The following MTPN variants were observed in gnomAD, a reference collection of about 807,000 sequenced individuals.
MTPN encodes the protein myotrophin.
Under a neutral mutation model 13.5 loss-of-function variants are expected in MTPN, and 2 were observed. The ratio of observed to expected loss-of-function variants is 0.15; its 90% confidence interval spans 0.06 to 0.47. The LOEUF (loss-of-function observed/expected upper bound fraction) is 0.47. Ranked by LOEUF, MTPN falls within the 20% of genes least tolerant of loss-of-function variation. MTPN has a pLI of 0.97. For synonymous variants in MTPN, 46 were observed against 51.7 expected (o/e 0.89, Z 0.48); for missense variants, 79 against 137.9 (o/e 0.57, Z 2.14).
At chr7:135,956,327 AT>A (rs1004238933) in intron 1 of MTPN, among the ~76,000 whole-genome samples, 47 of 152,356 alleles carry the variant, frequency 3.1e-4, no homozygotes, top group African/African-American at 1.1e-3. Flanking sequence ...TTCTAACTTC[AT>A]AAAACATTAC....
At chr7:135,974,745 T>C (rs1799746827) in intron 1 of MTPN, among the ~76,000 whole-genome samples, 5 of 152,134 alleles carry the variant, frequency 3.3e-5, no homozygotes, top group Admixed American at 2.6e-4. Context: ...TAGATGCACA[T>C]TACAGAAACT....
intron 1 of MTPN, among the ~76,000 whole-genome samples, chr7:135,954,550 T>A (rs1026698886): frequency 4.6e-5 from 7 of 152,188 alleles, no homozygotes; most frequent in African/African-American, 1.7e-4. Flanking sequence ...TAGACAGGAT[T>A]AACTGGACGA....
At chr7:135,975,626 C>T (rs1331307626) in intron 1 of MTPN, among the ~76,000 whole-genome samples, 2 of 152,168 alleles carry the variant, frequency 1.3e-5, no homozygotes, top group Non-Finnish European at 2.9e-5. Flanking sequence ...CTAGGTTCCA[C>T]CATGACAGGA....
chr7:135,952,446 C>A (rs1423796450), intron 1 of MTPN, among the ~76,000 whole-genome samples: 1 of 152,142 alleles, frequency 6.6e-6, no homozygotes, highest in African/African-American at 2.4e-5. Context: ...GTGATACACC[C>A]ATTATTTCTA....
intron 1 of MTPN, among the ~76,000 whole-genome samples, chr7:135,969,033 T>C (rs1258935066): frequency 2.1e-5 from 3 of 143,570 alleles, no homozygotes; most frequent in Non-Finnish European, 4.5e-5. Context: ...ATATGTGGTG[T>C]TTGGTTTTTT....
chr7:135,958,205 GTTAT>G (rs1360008747), intron 1 of MTPN, among the ~76,000 whole-genome samples: 1 of 152,074 alleles, frequency 6.6e-6, no homozygotes, highest in Admixed American at 6.5e-5. Flanking sequence ...GATCAGGTAT[GTTAT>G]TTATATACTT....
In MTPN at chr7:135,927,393, A is replaced by ATC; in HGVS notation, c.*2532_*2533insGA. Reference sequence around the variant, plus strand: ...GGAGACTTTGTTAGTACACTACTATAAACAGGTAAACTACCTGTTTGTACT... The same window carrying ATC: ...GGAGACTTTGTTAGTACACTACTATATCAACAGGTAAACTACCTGTTTGTACT... On this transcript the variant is annotated 3_prime_UTR_variant, in exon 4 of 4. Transcript: ENST00000393085. The ATC allele has an allele frequency of 6.5e-7, 1 of 1,549,816 alleles. No homozygotes were observed. The highest frequency in any genetic ancestry group is 2.4e-5 in the East Asian group (1 of 40,882).
chr7:135,956,082 G>A (rs887851584), intron 1 of MTPN, among the ~76,000 whole-genome samples: 1 of 152,142 alleles, frequency 6.6e-6, no homozygotes. Flanking sequence ...CATCCATTTC[G>A]AAAAGGAAGA....
At chr7:135,950,128 A>G (rs1306632714) in intron 3 of MTPN, among the ~76,000 whole-genome samples, 3 of 152,200 alleles carry the variant, frequency 2.0e-5, no homozygotes, top group Non-Finnish European at 4.4e-5. Flanking sequence ...CACTATCTCA[A>G]GCATATCAAG....
chr7:135,947,396 T>C (rs1483381331), intron 3 of MTPN, among the ~76,000 whole-genome samples: 1 of 152,154 alleles, frequency 6.6e-6, no homozygotes, highest in Non-Finnish European at 1.5e-5. Context: ...TATCATTTCT[T>C]GTTTGATGGA....
intron 3 of MTPN, among the ~76,000 whole-genome samples, chr7:135,949,243 C>A (rs1799328123): frequency 3.9e-5 from 6 of 152,124 alleles, no homozygotes; most frequent in Admixed American, 3.9e-4. Flanking sequence ...AACAGCAAAT[C>A]TGTTTTTGAT....
chr7:135,974,252 G>A (rs1210975228), intron 1 of MTPN, among the ~76,000 whole-genome samples: 3 of 152,030 alleles, frequency 2.0e-5, no homozygotes, highest in South Asian at 4.1e-4. Context: ...AAGGAAAAAC[G>A]GGTTCACACC....
intron 3 of MTPN, among the ~76,000 whole-genome samples, chr7:135,935,327 C>A (rs1415525065): frequency 6.6e-6 from 1 of 152,072 alleles, no homozygotes; most frequent in Non-Finnish European, 1.5e-5. Flanking sequence ...CAACCTCCGC[C>A]TCTTGGGTTC....
chr7:135,941,676 T>C (rs1255975065), intron 3 of MTPN, among the ~76,000 whole-genome samples: 1 of 152,148 alleles, frequency 6.6e-6, no homozygotes, highest in East Asian at 1.9e-4. Flanking sequence ...CAGTTGCATA[T>C]ATAATGGTCT....
At chr7:135,948,494 C>T (rs1289465694) in intron 3 of MTPN, among the ~76,000 whole-genome samples, 1 of 152,104 alleles carries the variant, frequency 6.6e-6, no homozygotes, top group Admixed American at 6.5e-5. Flanking sequence ...TAAGACAACT[C>T]ACAATCAATA....
chr7:135,943,527 A>T (rs938726451), intron 3 of MTPN, among the ~76,000 whole-genome samples: 1 of 152,234 alleles, frequency 6.6e-6, no homozygotes, highest in Non-Finnish European at 1.5e-5. Flanking sequence ...CTATTTCCTC[A>T]GCAGACTGAA....
chr7:135,974,200 T>C (rs914366397), intron 1 of MTPN, among the ~76,000 whole-genome samples: 2 of 152,240 alleles, frequency 1.3e-5, no homozygotes, highest in Admixed American at 6.5e-5. Flanking sequence ...CAGAGGCAGG[T>C]AGAAAAGTGT....
intron 3 of MTPN, among the ~76,000 whole-genome samples, chr7:135,937,370 TACACACAC>T (rs35704525): frequency 3.5e-5 from 5 of 144,406 alleles, no homozygotes; most frequent in South Asian, 4.5e-4. Context: ...GCTAACTGGA[TACACACAC>T]ACACACACAC....
chr7:135,957,805 G>C (rs1799465972), intron 1 of MTPN, among the ~76,000 whole-genome samples: 1 of 152,066 alleles, frequency 6.6e-6, no homozygotes, highest in African/African-American at 2.4e-5. Flanking sequence ...GTGTTAATAA[G>C]AGCCTGGCAC....
Sources: gnomAD v4.1 joint callset for allele counts (sites outside exome capture counted in the v4.1 genomes callset) on GRCh38, gnomAD v4.1.1 for gene constraint, MANE v1.5 for transcripts, NCBI Gene and HGNC (gene_info 2026-07-23, HGNC 2026-07-21) for gene names.